The following RNF6 variants were observed in gnomAD, a reference collection of about 807,000 sequenced individuals.
RNF6 encodes the protein E3 ubiquitin-protein ligase RNF6.
In RNF6, 21 loss-of-function variants were observed where a neutral mutation model predicts 50.1. That is an observed-to-expected ratio of 0.42 (90% CI 0.30 to 0.60). The LOEUF is 0.60. Among genes scored for constraint, RNF6 ranks in the 20% least tolerant of loss-of-function variants. The pLI, the probability that RNF6 is intolerant of heterozygous loss-of-function variation, is 0.20. For synonymous variants in RNF6, 255 were observed against 291.8 expected (o/e 0.87, Z 1.29); for missense variants, 698 against 838.2 (o/e 0.83, Z 2.07).
At chr13:26,162,765 G>T (rs372895703) in intron 5 of RNF6, among the ~76,000 whole-genome samples, 5 of 152,152 alleles carry the variant, frequency 3.3e-5, no homozygotes, top group African/African-American at 1.2e-4. Context: ...TTGAAGTTAT[G>T]ATATAATTTA....
At chr13:26,220,954 T>G (rs559940779) in intron 2 of RNF6, among the ~76,000 whole-genome samples, 1 of 152,342 alleles carries the variant, frequency 6.6e-6, no homozygotes, top group African/African-American at 2.4e-5. Context: ...TTCAAGGATT[T>G]TTTTCACTGT....
Position 26,221,324 on chromosome 13 carries a change from T to A in RNF6, c.-95A>T, listed in dbSNP as rs565913842. 6.6e-6 allele frequency: 1 copy of A among 152,322 alleles called. No homozygotes were observed. Among genetic ancestry groups the A allele is most frequent in the African/African-American group, 2.4e-5 (1 of 41,572 alleles). 9.4% of individuals were successfully genotyped at this position (152,322 alleles called of 1,614,324 possible). Reference sequence around the variant, plus strand: ...AATTGTTTGTGCCTTTTTTGAGAGCTGCCCATCTGAAGCAATAAAAGAGAG... The same window carrying A: ...AATTGTTTGTGCCTTTTTTGAGAGCAGCCCATCTGAAGCAATAAAAGAGAG... On this transcript the variant is annotated 5_prime_UTR_variant, in exon 2 of 5. Coordinates refer to ENST00000381588, the MANE Select transcript of RNF6 (RefSeq NM_005977.4).
At chr13:26,188,137 T>A (rs115694857) in intron 5 of RNF6, among the ~76,000 whole-genome samples, 1 of 152,202 alleles carries the variant, frequency 6.6e-6, no homozygotes, top group African/African-American at 2.4e-5. Context: ...CCATCACAAC[T>A]GTCTTGTGGC....
chr13:26,176,895 T>C (rs756965337), intron 5 of RNF6, among the ~76,000 whole-genome samples: 9 of 152,132 alleles, frequency 5.9e-5, no homozygotes, highest in Non-Finnish European at 1.3e-4. Context: ...GGTGGCGCGA[T>C]TGCACTCCAG....
chr13:26,148,670 AT>A (rs1871392869), intron 5 of RNF6, among the ~76,000 whole-genome samples: 1 of 125,202 alleles, frequency 8.0e-6, no homozygotes, highest in Admixed American at 8.3e-5. Context: ...ATATATATAT[AT>A]GAGGGAGATA....
chr13:26,218,441 A>C, intron 4 of RNF6, 70 bp downstream of exon 4: 2 of 1,177,274 alleles, frequency 1.7e-6, no homozygotes, highest in Non-Finnish European at 2.5e-6. Flanking sequence ...ATACTATACA[A>C]GGTCTAAGAA....
chr13:26,191,180 G>T (rs1484196235), intron 5 of RNF6, among the ~76,000 whole-genome samples: 1 of 149,328 alleles, frequency 6.7e-6, no homozygotes, highest in Non-Finnish European at 1.5e-5. Flanking sequence ...ACACAATGTT[G>T]AGATAATTGG....
chr13:26,152,512 T>C (rs1871674451), intron 5 of RNF6, among the ~76,000 whole-genome samples: 1 of 152,232 alleles, frequency 6.6e-6, no homozygotes, highest in South Asian at 2.1e-4. Context: ...TAAAATCTTG[T>C]ATGTTACACT....
At chr13:26,151,291 T>G (rs991925432) in intron 5 of RNF6, among the ~76,000 whole-genome samples, 3 of 152,050 alleles carry the variant, frequency 2.0e-5, no homozygotes, top group Admixed American at 6.6e-5. Flanking sequence ...GAGACAGAAT[T>G]TCATTCCGTT....
At chr13:26,175,445 A>G (rs1319970888) in intron 5 of RNF6, among the ~76,000 whole-genome samples, 1 of 151,824 alleles carries the variant, frequency 6.6e-6, no homozygotes, top group African/African-American at 2.4e-5. Flanking sequence ...AGCCCCCATG[A>G]CCCCAGGCAC....
At chr13:26,195,724 C>T (rs1023468853) in intron 5 of RNF6, among the ~76,000 whole-genome samples, 1 of 152,190 alleles carries the variant, frequency 6.6e-6, no homozygotes, top group Admixed American at 6.5e-5. Context: ...GTATATCTGT[C>T]TCCAGAGCTA....
At chr13:26,155,219 C>A (rs942846830) in intron 5 of RNF6, among the ~76,000 whole-genome samples, 1 of 151,534 alleles carries the variant, frequency 6.6e-6, no homozygotes, top group Non-Finnish European at 1.5e-5. Context: ...CAGTAAGCTA[C>A]GATCATGCCA....
chr13:26,141,425 CAAAAAAA>C (rs34336773), intron 5 of RNF6, among the ~76,000 whole-genome samples: 1 of 130,004 alleles, frequency 7.7e-6, no homozygotes, highest in African/African-American at 2.9e-5. Flanking sequence ...AAGACTCTGT[CAAAAAAA>C]AAAAAAAAAA....
chr13:26,200,402 AT>A (rs1868848428), intron 5 of RNF6, among the ~76,000 whole-genome samples: 1 of 102,234 alleles, frequency 9.8e-6, no homozygotes, highest in Non-Finnish European at 1.8e-5. Flanking sequence ...ACTGTTTGAA[AT>A]TCTTTTTTTT....
chr13:26,175,120 A>G (rs760736020), intron 5 of RNF6, among the ~76,000 whole-genome samples: 26 of 152,176 alleles, frequency 1.7e-4, no homozygotes, highest in African/African-American at 5.8e-4. Flanking sequence ...TCGCTCTGTC[A>G]CCCAGGCTGG....
chr13:26,196,756 G>A (rs1015997744), intron 5 of RNF6, among the ~76,000 whole-genome samples: 4 of 151,778 alleles, frequency 2.6e-5, no homozygotes, highest in African/African-American at 9.7e-5. Flanking sequence ...TACAGATAGA[G>A]ATGCAAATCT....
chr13:26,215,636 C>A (rs780923575), intron 4 of RNF6, 44 bp from the exon 5 acceptor site: 18 of 1,457,810 alleles, frequency 1.2e-5, no homozygotes, highest in Admixed American at 2.3e-5. Context: ...TCCTAAGACA[C>A]ACCTTACAGC....
intron 4 of RNF6, among the ~76,000 whole-genome samples, chr13:26,216,896 A>C (rs1869936930): frequency 6.6e-6 from 1 of 152,232 alleles, no homozygotes; most frequent in East Asian, 1.9e-4. Flanking sequence ...CAGAGGTTGC[A>C]GTGAGCCAAG....
intron 5 of RNF6, chr13:26,149,079 C>T (rs1156883384): frequency 2.0e-5 from 3 of 152,074 alleles, no homozygotes; most frequent in Non-Finnish European, 4.4e-5. Context: ...AATAGCCTCA[C>T]AGAAATGCCC....
Sources: allele counts gnomAD v4.1 joint callset (sites outside exome capture counted in the v4.1 genomes callset), GRCh38; gene constraint gnomAD v4.1.1; transcripts MANE v1.5; gene names NCBI Gene and HGNC (gene_info 2026-07-23, HGNC 2026-07-21).